RBM47: variants seen among roughly 807,000 people sequenced by gnomAD.
RBM47 encodes RNA-binding protein 47.
A neutral mutation model predicts 47.1 loss-of-function variants in RBM47; 21 were observed. The observed-to-expected ratio is 0.45, with a 90% CI of 0.32 to 0.64. The LOEUF (loss-of-function observed/expected upper bound fraction) is 0.64, where lower values mean the gene tolerates loss of function less well. RBM47 is among the 30% of genes least tolerant of loss of function. The pLI is 0.05. For missense variants in RBM47, 708 were observed against 870.9 expected (o/e 0.81, Z 2.35); for synonymous variants, 375 against 361.7 (o/e 1.04, Z -0.42).
At chr4:40,582,840 C>G (rs948949086) in intron 1 of RBM47, among the ~76,000 whole-genome samples, 1 of 152,150 alleles carries the variant, frequency 6.6e-6, no homozygotes, top group African/African-American at 2.4e-5. Flanking sequence ...TAGTCACCAC[C>G]CTGGTAGAAT....
intron 2 of RBM47, among the ~76,000 whole-genome samples, chr4:40,532,615 TA>T (rs1036373127): frequency 6.6e-6 from 1 of 151,360 alleles, no homozygotes; most frequent in Non-Finnish European, 1.5e-5. Context: ...CTGGCCTTTT[TA>T]AAAAAAATAT....
chr4:40,535,060 A>G (rs1224751307), intron 2 of RBM47, among the ~76,000 whole-genome samples: 2 of 151,808 alleles, frequency 1.3e-5, no homozygotes, highest in East Asian at 3.9e-4. Context: ...CTGTTTTCTT[A>G]TTGACAAAAT....
chr4:40,569,742 G>A (rs1293271917), intron 1 of RBM47, among the ~76,000 whole-genome samples: 11 of 147,170 alleles, frequency 7.5e-5, no homozygotes, highest in African/African-American at 1.3e-4. Context: ...ATGGAGTCTC[G>A]CTCTGTCGCC....
At chr4:40,525,012 T>G (rs1726556326) in intron 2 of RBM47, among the ~76,000 whole-genome samples, 1 of 152,252 alleles carries the variant, frequency 6.6e-6, no homozygotes, top group South Asian at 2.1e-4. Flanking sequence ...AGTAAAATAT[T>G]TTTATGATCC....
chr4:40,483,104 C>G (rs749559424), intron 2 of RBM47, among the ~76,000 whole-genome samples: 16 of 152,178 alleles, frequency 1.1e-4, no homozygotes, highest in African/African-American at 1.9e-4. Flanking sequence ...AAGGTCAACT[C>G]CAAGGCTGAT....
intron 2 of RBM47, among the ~76,000 whole-genome samples, chr4:40,480,817 G>A (rs150041594): frequency 6.6e-6 from 1 of 152,268 alleles, no homozygotes; most frequent in African/African-American, 2.4e-5. Flanking sequence ...AATAGATTCT[G>A]TGGTAGTTTT....
chr4:40,586,058 T>C (rs931221895), intron 1 of RBM47, among the ~76,000 whole-genome samples: 2 of 152,228 alleles, frequency 1.3e-5, no homozygotes, highest in African/African-American at 4.8e-5. Context: ...CCCAGCACTA[T>C]GCAAAACGCC....
At chr4:40,465,660 C>T (rs895319689) in intron 3 of RBM47, among the ~76,000 whole-genome samples, 1 of 150,980 alleles carries the variant, frequency 6.6e-6, no homozygotes, top group Non-Finnish European at 1.5e-5. Flanking sequence ...GCCTGGTCGA[C>T]AGAGCGACAC....
chr4:40,499,698 G>A (rs758161920), intron 2 of RBM47, among the ~76,000 whole-genome samples: 19 of 152,300 alleles, frequency 1.2e-4, no homozygotes, highest in South Asian at 4.1e-4. Context: ...ATGAGGCACC[G>A]CGCTCAGCCT....
intron 2 of RBM47, among the ~76,000 whole-genome samples, chr4:40,487,821 G>A (rs1721312596): frequency 6.6e-6 from 1 of 152,096 alleles, no homozygotes; most frequent in Non-Finnish European, 1.5e-5. Context: ...AATTCATGTT[G>A]ATGGATAGAC....
At chr4:40,502,846 GA>G (rs142587946) in intron 2 of RBM47, among the ~76,000 whole-genome samples, 3 of 151,256 alleles carry the variant, frequency 2.0e-5, no homozygotes, top group Admixed American at 1.3e-4. Context: ...AACCCTGTCC[GA>G]AAAAAAAGAC....
intron 1 of RBM47, among the ~76,000 whole-genome samples, chr4:40,619,862 T>C (rs2154281124): frequency 1.3e-5 from 2 of 152,318 alleles, no homozygotes; most frequent in South Asian, 4.1e-4. Flanking sequence ...GGGTACTTCG[T>C]ATCCAGTGTC....
intron 3 of RBM47, among the ~76,000 whole-genome samples, chr4:40,446,814 GC>G (rs1224516987): frequency 2.7e-5 from 4 of 150,610 alleles, no homozygotes; most frequent in African/African-American, 9.8e-5. Flanking sequence ...GAAGAATCTT[GC>G]CCCATGTAGG....
At chr4:40,488,645 G>A (rs1721452400) in intron 2 of RBM47, among the ~76,000 whole-genome samples, 1 of 152,126 alleles carries the variant, frequency 6.6e-6, no homozygotes, top group Non-Finnish European at 1.5e-5. Flanking sequence ...TGCAGGTGAG[G>A]TCCACCCTGG....
Position 40,432,762 on chromosome 4 carries a change from G to T in RBM47, c.1431C>A (p.Ile477=), listed in dbSNP as rs748247229. ...DGKIHTVEHM[I]SPIAVQPDPA... ...GGTCTGGCTGCACAGCAATGGGGCT[G>T]ATCATGTGCTCCACTGTGTGGATTT... Residue 477 remains isoleucine, a synonymous_variant, in exon 6 of 7, where the codon ATC becomes ATA. Coordinates refer to ENST00000295971, the MANE Select transcript of RBM47 (RefSeq NM_001098634.2). The T allele has an allele frequency of 6.2e-7, 1 of 1,613,368 alleles. No individual in the cohort carries two copies. The highest frequency in any genetic ancestry group is 8.5e-7 in the Non-Finnish European group (1 of 1,179,832).
intron 1 of RBM47, among the ~76,000 whole-genome samples, chr4:40,553,611 T>C (rs946634676): frequency 1.3e-5 from 2 of 152,172 alleles, no homozygotes; most frequent in Admixed American, 6.6e-5. Context: ...ATGTATTCAT[T>C]TTTATCACTT....
rs371378298 is a variant in RBM47, at chr4:40,423,700, C to CT, written c.*2203dup. ...TCTTTCTTTCTTTCTTTCTTTCTTT[C>CT]TTTCTTTCTTTCTTTTCTTTCTTTT... is the stretch of plus-strand genomic sequence containing the variant. On this transcript the variant is annotated 3_prime_UTR_variant, in exon 7 of 7. Coordinates refer to ENST00000295971, the MANE Select transcript of RBM47 (RefSeq NM_001098634.2). 5 of 75,086 alleles carry CT rather than the reference C, an allele frequency of 6.7e-5. No homozygotes were observed. Among genetic ancestry groups the CT allele is most frequent in the African/African-American group, 2.8e-4 (4 of 14,128 alleles). 4.7% of individuals were successfully genotyped at this position (75,086 alleles called of 1,614,324 possible). A position where few individuals can be genotyped will look rare whatever the true frequency, so the allele number is the denominator to read the frequency against.
At chr4:40,598,860 AAAAAAAG>A (rs1453004605) in intron 1 of RBM47, among the ~76,000 whole-genome samples, 1 of 152,006 alleles carries the variant, frequency 6.6e-6, no homozygotes, top group Non-Finnish European at 1.5e-5. Context: ...AAAAAAAAAA[AAAAAAAG>A]AGTTGGGGAG....
rs115954759 is a variant in RBM47 at position 40,554,342 on chromosome 4, G to A, written c.-239-9836C>T. On this transcript the variant is annotated intron_variant, in intron 1 of 6. Coordinates refer to ENST00000295971, the MANE Select transcript of RBM47 (RefSeq NM_001098634.2). ...ATCTGGGGGCTGCTTTGCTTCTAAC[G>A]TAAGTCAAATAGCCCAGCATGGAAA... Among the ~76,000 whole-genome samples, 1,463 of 147,760 alleles carry A rather than the reference G, an allele frequency of 9.9e-3. 34 individuals carry two copies. Among genetic ancestry groups the A allele is most frequent in the African/African-American group, 0.035 (1,395 of 39,578 alleles).
Sources: allele counts gnomAD v4.1 joint callset (sites outside exome capture counted in the v4.1 genomes callset), GRCh38; gene constraint gnomAD v4.1.1; transcripts MANE v1.5; gene names NCBI Gene and HGNC (gene_info 2026-07-23, HGNC 2026-07-21).